EBF1: variants seen among roughly 807,000 people sequenced by gnomAD.
EBF1 encodes the protein EBF transcription factor 1.
A neutral mutation model predicts 68.4 loss-of-function variants in EBF1; 10 were observed. The ratio of observed to expected loss-of-function variants is 0.15; its 90% CI spans 0.09 to 0.25. EBF1 has a LOEUF of 0.25. EBF1 is among the 10% of genes least tolerant of loss of function. EBF1 has a pLI of 1.00. For missense variants in EBF1, 509 were observed against 794.4 expected (o/e 0.64, Z 4.32); for synonymous variants, 298 against 299.8 (o/e 0.99, Z 0.06).
chr5:158,778,039 A>G (rs1036880374), intron 9 of EBF1, among the ~76,000 whole-genome samples: 4 of 152,126 alleles, frequency 2.6e-5, no homozygotes, highest in African/African-American at 7.2e-5. Flanking sequence ...CAGAGGCACA[A>G]TCAAAGAGCT....
chr5:159,066,732 GC>G (rs1431778407), intron 6 of EBF1, among the ~76,000 whole-genome samples: 1 of 151,928 alleles, frequency 6.6e-6, no homozygotes, highest in Non-Finnish European at 1.5e-5. Context: ...ACCTTCTTTT[GC>G]TTCTGGACAA....
At chr5:158,799,353 T>C (rs1174250895) in intron 8 of EBF1, among the ~76,000 whole-genome samples, 1 of 152,016 alleles carries the variant, frequency 6.6e-6, no homozygotes, top group African/African-American at 2.4e-5. Flanking sequence ...GCCCAGGAGT[T>C]CAAGGCTGCA....
chr5:158,908,338 A>G (rs555337274), intron 6 of EBF1, among the ~76,000 whole-genome samples: 5 of 152,340 alleles, frequency 3.3e-5, no homozygotes, highest in South Asian at 4.1e-4. Context: ...ATCTTTGTTC[A>G]CAAAAGGTAT....
At chr5:158,717,550 T>C (rs1761007928) in intron 11 of EBF1, among the ~76,000 whole-genome samples, 1 of 152,152 alleles carries the variant, frequency 6.6e-6, no homozygotes, top group African/African-American at 2.4e-5. Flanking sequence ...CTTTTCATAA[T>C]GTTTAAAACG....
intron 9 of EBF1, among the ~76,000 whole-genome samples, chr5:158,795,811 A>G (rs1779519817): frequency 6.6e-6 from 1 of 152,164 alleles, no homozygotes; most frequent in Non-Finnish European, 1.5e-5. Context: ...TGAGAGCTGT[A>G]AATTCCTAGA....
intron 9 of EBF1, among the ~76,000 whole-genome samples, chr5:158,795,965 T>A (rs1025463488): frequency 6.6e-6 from 1 of 152,222 alleles, no homozygotes; most frequent in Admixed American, 6.5e-5. Flanking sequence ...TACCGTAGAC[T>A]CTTTCTGCAA....
intron 6 of EBF1, among the ~76,000 whole-genome samples, chr5:158,918,902 T>A (rs899879201): frequency 2.6e-5 from 4 of 152,226 alleles, no homozygotes; most frequent in African/African-American, 9.6e-5. Context: ...AAATTTAGGT[T>A]AAGGGAGGGC....
Position 158,696,003 on chromosome 5 carries a change from AAT to A in EBF1, c.*3106_*3107del, listed in dbSNP as rs1491032016. On this transcript the variant is annotated 3_prime_UTR_variant, in exon 16 of 16. Coordinates refer to ENST00000313708, the MANE Select transcript of EBF1 (RefSeq NM_024007.5). The stretch of plus-strand genomic sequence containing the variant: ...TGAATTTTTGCAAAAAAAAAAAAAA[AAT>A]TTAACAATCTCTACAGTAGTTAGGT... 226 of 196,342 alleles carry A rather than the reference AAT, an allele frequency of 1.2e-3. No homozygotes were observed. The highest frequency in any genetic ancestry group is 4.9e-3 in the African/African-American group (210 of 43,242). 12.2% of individuals were successfully genotyped at this position (196,342 alleles called of 1,614,324 possible). A position where few individuals can be genotyped will look rare whatever the true frequency, so the allele number is the denominator to read the frequency against.
At chr5:158,754,531 G>A (rs1466493554) in intron 10 of EBF1, among the ~76,000 whole-genome samples, 2 of 152,132 alleles carry the variant, frequency 1.3e-5, no homozygotes, top group African/African-American at 2.4e-5. Context: ...ATCTTGAGAA[G>A]GAAGCAAGTG....
At position 159,073,971 on chromosome 5, in the gene EBF1, C is replaced by G. The variant is rs573165344; in HGVS notation, c.486-507G>C. Among the ~76,000 whole-genome samples the G allele has an allele frequency of 6.6e-5, 10 of 152,272 alleles. No individual in the cohort carries two copies. The East Asian group carries it at 1.9e-3, about 29-fold the overall frequency. ...TGGGTAGCATTTCCTTCAACCACAGCCTTTCCAAAAATCCTACAGCTAGGT... is the reference window on the plus strand; with the variant it reads ...TGGGTAGCATTTCCTTCAACCACAGGCTTTCCAAAAATCCTACAGCTAGGT... On this transcript the variant is annotated intron_variant, in intron 5 of 15. Coordinates refer to ENST00000313708, the MANE Select transcript of EBF1 (RefSeq NM_024007.5).
intron 6 of EBF1, among the ~76,000 whole-genome samples, chr5:158,952,948 A>G (rs2127508021): frequency 6.6e-6 from 1 of 152,046 alleles, no homozygotes; most frequent in Admixed American, 6.5e-5. Flanking sequence ...TTTTTTTTAG[A>G]TATTTGGTTA....
At chr5:158,780,162 G>T (rs1251482071) in intron 9 of EBF1, among the ~76,000 whole-genome samples, 1 of 152,150 alleles carries the variant, frequency 6.6e-6, no homozygotes, top group African/African-American at 2.4e-5. Flanking sequence ...AGAATTTATT[G>T]CTGGAAGGAA....
chr5:158,804,371 T>C (rs944070876), intron 8 of EBF1, among the ~76,000 whole-genome samples: 10 of 152,074 alleles, frequency 6.6e-5, no homozygotes, highest in Admixed American at 2.6e-4. Flanking sequence ...GCTTTCTTAT[T>C]TTATTCTGAA....
intron 10 of EBF1, among the ~76,000 whole-genome samples, chr5:158,759,266 A>G (rs1770856072): frequency 6.6e-6 from 1 of 152,112 alleles, no homozygotes; most frequent in African/African-American, 2.4e-5. Flanking sequence ...CTGCTTCTCC[A>G]TCCTTCCCCC....
chr5:158,714,226 T>C (rs917163757), intron 11 of EBF1, 44 bp from the exon 12 acceptor site: 3 of 1,607,428 alleles, frequency 1.9e-6, no homozygotes, highest in East Asian at 2.2e-5. Flanking sequence ...TGAAGGCAGG[T>C]TGTCGTTATC....
At chr5:158,822,134 C>A (rs1013795895) in intron 8 of EBF1, among the ~76,000 whole-genome samples, 1 of 152,094 alleles carries the variant, frequency 6.6e-6, no homozygotes, top group African/African-American at 2.4e-5. Flanking sequence ...TGAAAAGAAT[C>A]TTGCTGACCC....
rs191892412 is a variant in EBF1 at position 158,857,466 on chromosome 5, C to T, written c.555-17356G>A. On this transcript the variant is annotated intron_variant, in intron 6 of 15. Coordinates refer to ENST00000313708, the MANE Select transcript of EBF1 (RefSeq NM_024007.5). The stretch of plus-strand genomic sequence containing the variant: ...ATAAATGTTTGTAAGATTGAAGTCC[C>T]GAAGACCAAATTTCACTCACATTCC... 2.1e-4 allele frequency among the ~76,000 whole-genome samples: 32 copies of T among 152,134 alleles called. No homozygotes were observed. The East Asian group carries it at 5.0e-3, about 24-fold the overall frequency.
At chr5:158,722,310 G>T (rs1762087784) in intron 11 of EBF1, among the ~76,000 whole-genome samples, 1 of 152,146 alleles carries the variant, frequency 6.6e-6, no homozygotes, top group Non-Finnish European at 1.5e-5. Flanking sequence ...AGTCGCCAAG[G>T]CCTGGGCTTT....
At chr5:158,936,702 A>G (rs966299533) in intron 6 of EBF1, among the ~76,000 whole-genome samples, 5 of 152,204 alleles carry the variant, frequency 3.3e-5, no homozygotes, top group East Asian at 1.9e-4. Flanking sequence ...ACAGCTATGC[A>G]CTGGCTTCCT....
Sources: gnomAD v4.1 joint callset for allele counts (sites outside exome capture counted in the v4.1 genomes callset) on GRCh38, gnomAD v4.1.1 for gene constraint, MANE v1.5 for transcripts, NCBI Gene and HGNC (gene_info 2026-07-23, HGNC 2026-07-21) for gene names.